The following PCDHAC1 variants were observed in gnomAD, a reference collection of about 807,000 sequenced individuals.
PCDHAC1 encodes the protein protocadherin alpha-C1.
PCDHAC1 carries 42 observed loss-of-function variants against 60.0 expected under a neutral mutation model. That is an observed-to-expected ratio of 0.70 (90% CI 0.55 to 0.90). PCDHAC1 has a LOEUF of 0.90. Among genes scored for constraint, PCDHAC1 ranks in the 40% least tolerant of loss-of-function variants. The pLI is 0.00. For synonymous variants in PCDHAC1, 468 were observed against 499.3 expected, an observed-to-expected ratio of 0.94 and a Z score of 0.84; for missense variants, 1,160 against 1,222.3, an observed-to-expected ratio of 0.95 and a Z score of 0.76.
In PCDHAC1 at chr5:140,927,810, G is replaced by C; in HGVS notation, c.918G>C (p.Leu306Phe). Residue 306 changes from leucine (L) to phenylalanine (F), a missense_variant, in exon 1 of 4, where the codon TTG (leucine) becomes TTC (phenylalanine). Coordinates refer to ENST00000253807, the MANE Select transcript of PCDHAC1 (RefSeq NM_018898.5). ...AASLGPPETL[L>F]EAYIEARDEG... ...CACTAGGTCCGCCTGAAACGCTCTTGGAGGCATACATTGAGGCGAGGGACG... is the reference window on the plus strand; with the variant it reads ...CACTAGGTCCGCCTGAAACGCTCTTCGAGGCATACATTGAGGCGAGGGACG... 6.2e-7 allele frequency: 1 copy of C among 1,614,200 alleles called. No homozygotes were observed.
At chr5:140,937,739 C>T (rs1563162684) in intron 1 of PCDHAC1, among the ~76,000 whole-genome samples, 1 of 151,716 alleles carries the variant, frequency 6.6e-6, no homozygotes, top group African/African-American at 2.4e-5. Context: ...GGTGAAACCC[C>T]GTCTCTACTA....
rs910445315 is a variant in PCDHAC1 at position 140,926,539 on chromosome 5, G to A, written c.-354G>A. The A allele has an allele frequency of 9.2e-6, 2 of 216,944 alleles. No homozygotes were observed. The highest frequency in any genetic ancestry group is 1.8e-5 in the Non-Finnish European group (2 of 111,740). The allele number at this position is 216,944 out of a possible 1,614,324, so 13.4% of individuals were successfully genotyped here. ...CCGCCCTGCGCCCGCAGCCAGCGTG[G>A]TGGTCGAGACCCCAGCCCGCTGCTA... On this transcript the variant is annotated 5_prime_UTR_variant, in exon 1 of 4. In the 5' UTR this introduces an upstream ATG that the reference lacks. Coordinates refer to ENST00000253807, the MANE Select transcript of PCDHAC1 (RefSeq NM_018898.5).
chr5:140,954,992 G>A (rs1017301016), intron 1 of PCDHAC1, among the ~76,000 whole-genome samples: 1 of 152,094 alleles, frequency 6.6e-6, no homozygotes, highest in Non-Finnish European at 1.5e-5. Flanking sequence ...TTCTGCATAT[G>A]GCTAGCCAAT....
intron 1 of PCDHAC1, among the ~76,000 whole-genome samples, chr5:140,941,207 C>CTTCCTTTCTT (rs1563185091): frequency 3.9e-5 from 4 of 103,272 alleles, no homozygotes; most frequent in African/African-American, 1.7e-4. Context: ...TTCTTCCTTT[C>CTTCCTTTCTT]TTTCTTCCTT....
chr5:140,941,820 C>T (rs2093176252), intron 1 of PCDHAC1, among the ~76,000 whole-genome samples: 1 of 152,160 alleles, frequency 6.6e-6, no homozygotes, highest in Non-Finnish European at 1.5e-5. Flanking sequence ...AGGATGACTG[C>T]TGTAAATAAT....
chr5:140,985,650 A>G (rs2097162504), intron 3 of PCDHAC1, among the ~76,000 whole-genome samples: 2 of 151,684 alleles, frequency 1.3e-5, no homozygotes, highest in South Asian at 4.2e-4. Context: ...AACACTTGCA[A>G]TGGCTGAATA....
intron 1 of PCDHAC1, among the ~76,000 whole-genome samples, chr5:140,938,013 A>G (rs1310661606): frequency 6.6e-6 from 1 of 152,220 alleles, no homozygotes; most frequent in Non-Finnish European, 1.5e-5. Flanking sequence ...TTCTTGCTAA[A>G]TAGTAAAATC....
chr5:140,992,576 G>T (rs992150186), intron 3 of PCDHAC1, among the ~76,000 whole-genome samples: 4 of 152,172 alleles, frequency 2.6e-5, no homozygotes, highest in Admixed American at 2.0e-4. Flanking sequence ...CATATTGCCT[G>T]CCTTGTATGC....
intron 1 of PCDHAC1, among the ~76,000 whole-genome samples, chr5:140,949,802 A>G (rs974562597): frequency 1.3e-5 from 2 of 151,818 alleles, no homozygotes; most frequent in Admixed American, 6.6e-5. Flanking sequence ...CCTTCAATAC[A>G]TTATTTGCTT....
At chr5:140,957,855 T>TC (rs1398127159) in intron 1 of PCDHAC1, among the ~76,000 whole-genome samples, 1 of 151,980 alleles carries the variant, frequency 6.6e-6, no homozygotes, top group Non-Finnish European at 1.5e-5. Context: ...TTTGTGTATT[T>TC]TTTTTCCTAT....
In PCDHAC1 at chr5:140,928,708, T is replaced by C; in HGVS notation, c.1816T>C (p.Ser606Pro). The change falls in exon 1 of 4, where the codon TCT becomes CCT. Residue 606 changes from serine to proline, a missense_variant. Ser to Pro is a moderately conservative substitution (Grantham distance 74, BLOSUM62 -1). Coordinates refer to ENST00000253807, the MANE Select transcript of PCDHAC1 (RefSeq NM_018898.5). ...LSYHISRASD[S>P]SLFRISANIG... Reference sequence around the variant, plus strand: ...CTACCACATCTCCCGGGCGTCTGACTCTAGTCTCTTTAGAATTTCAGCCAA... The same window carrying C: ...CTACCACATCTCCCGGGCGTCTGACCCTAGTCTCTTTAGAATTTCAGCCAA... 1.2e-6 allele frequency: 2 copies of C among 1,614,208 alleles called. No homozygotes were observed. The highest frequency in any genetic ancestry group is 1.7e-6 in the Non-Finnish European group (2 of 1,180,036).
chr5:140,982,998 GAAAGAA>G (rs1469608645), intron 3 of PCDHAC1, among the ~76,000 whole-genome samples: 10 of 151,726 alleles, frequency 6.6e-5, no homozygotes, highest in Admixed American at 5.2e-4. Context: ...AAGAAGGAAA[GAAAGAA>G]AAAGGAAGGA....
At chr5:140,952,698 C>G (rs1020795237) in intron 1 of PCDHAC1, among the ~76,000 whole-genome samples, 4 of 152,182 alleles carry the variant, frequency 2.6e-5, no homozygotes, top group Non-Finnish European at 4.4e-5. Context: ...ATAGCAATAT[C>G]CCACTCTCAG....
intron 1 of PCDHAC1, chr5:140,969,232 C>A (rs138367129): frequency 1.9e-4 from 314 of 1,614,066 alleles, no homozygotes; most frequent in Non-Finnish European, 2.5e-4. Flanking sequence ...CTTCGGGAGC[C>A]CAAGCAGCAG....
At chr5:140,998,472 A>G (rs1212895520) in intron 3 of PCDHAC1, among the ~76,000 whole-genome samples, 1 of 151,938 alleles carries the variant, frequency 6.6e-6, no homozygotes, top group Non-Finnish European at 1.5e-5. Context: ...TTTTCCTCCC[A>G]CTGTGCTGTA....
chr5:140,962,339 G>A (rs1454430913), intron 1 of PCDHAC1, among the ~76,000 whole-genome samples: 1 of 152,152 alleles, frequency 6.6e-6, no homozygotes, highest in Non-Finnish European at 1.5e-5. Flanking sequence ...TGATAAAGAA[G>A]TAAAACTCCC....
At position 140,928,081 on chromosome 5, in the gene PCDHAC1, C is replaced by T. The variant is rs782268064; in HGVS notation, c.1189C>T (p.Leu397=). Residue 397 remains leucine (L), a synonymous_variant, in exon 1 of 4, where the codon CTG becomes TTG. Transcript: ENST00000253807. Reference sequence around the variant, plus strand: ...GGCTTCCTTTGACAACTACTACAGCCTGCTGATTGATGGGCCCCTGGACCG... The same window carrying T: ...GGCTTCCTTTGACAACTACTACAGCTTGCTGATTGATGGGCCCCTGGACCG... The part of the protein sequence containing the change: ...LTASFDNYYS[L]LIDGPLDREQ... 1 of 1,614,090 alleles carries T rather than the reference C, an allele frequency of 6.2e-7. No homozygotes were observed. The highest frequency in any genetic ancestry group is 8.5e-7 in the Non-Finnish European group (1 of 1,180,052).
chr5:140,978,845 T>C, intron 1 of PCDHAC1, 104 bp from the exon 2 acceptor site: 7 of 1,569,708 alleles, frequency 4.5e-6, no homozygotes, highest in Non-Finnish European at 6.1e-6. Flanking sequence ...AATACTTTTT[T>C]AGATGCCTGG....
chr5:140,976,743 C>A (rs782329745), intron 1 of PCDHAC1, among the ~76,000 whole-genome samples: 16 of 152,116 alleles, frequency 1.1e-4, no homozygotes, highest in Non-Finnish European at 1.5e-4. Context: ...ATTTTAAAAA[C>A]CTCCCAGATG....
Sources: gnomAD v4.1 joint callset for allele counts (sites outside exome capture counted in the v4.1 genomes callset) on GRCh38, gnomAD v4.1.1 for gene constraint, MANE v1.5 for transcripts, NCBI Gene and HGNC (gene_info 2026-07-23, HGNC 2026-07-21) for gene names.